TYK2: variants seen among roughly 807,000 people sequenced by gnomAD.
The protein encoded by TYK2 is tyrosine kinase 2, also known as non-receptor tyrosine-protein kinase TYK2.
In TYK2, 65 loss-of-function variants were observed where a neutral mutation model predicts 130.9. The ratio of observed to expected loss-of-function variants is 0.50; its 90% CI spans 0.41 to 0.61. TYK2 has a LOEUF of 0.61. TYK2 is among the 20% of genes least tolerant of loss of function. The probability of loss-of-function intolerance (pLI) is 0.00; values close to 1 mark genes in which losing one functional copy is unlikely to be tolerated. For missense variants in TYK2, 1,378 were observed against 1,610.7 expected, an observed-to-expected ratio of 0.86 and a Z score of 2.47; for synonymous variants, 647 against 658.9, an observed-to-expected ratio of 0.98 and a Z score of 0.28.
Position 10,365,636 on chromosome 19 carries a change from CCCCACTGTCCCGGATGTAGCAGGGCT to C in TYK2, c.866_891del (p.Glu289GlyfsTer9). 6.2e-7 allele frequency: 1 copy of C among 1,613,792 alleles called. No individual in the cohort carries two copies. The highest frequency in any genetic ancestry group is 1.3e-5 in the African/African-American group (1 of 75,060). On this transcript the variant is annotated frameshift_variant, in exon 7 of 25. Coordinates refer to ENST00000525621, the MANE Select transcript of TYK2 (RefSeq NM_003331.5). LOFTEE classifies it high-confidence loss of function. ...TCAGGGCCAGGGTCTGTAGGGGCCA[CCCCACTGTCCCGGATGTAGCAGGGCT>C]CCCCCTCGGCCTGGGCCAGCAGCCT...
At chr19:10,375,134 A>G (rs1311164922) in intron 3 of TYK2, among the ~76,000 whole-genome samples, 1 of 151,660 alleles carries the variant, frequency 6.6e-6, no homozygotes, top group East Asian at 1.9e-4. Context: ...GCACCACTGC[A>G]TTTCAGCCTG....
At chr19:10,378,838 T>TTATCCTATCC in intron 2 of TYK2, among the ~76,000 whole-genome samples, 1 of 16,778 alleles carries the variant, frequency 6.0e-5, no homozygotes, top group Non-Finnish European at 1.5e-4. Context: ...ATTTTATATC[T>TTATCCTATCC]TATCTTATCT....
intron 3 of TYK2, among the ~76,000 whole-genome samples, chr19:10,370,416 A>G (rs1315096855): frequency 6.6e-6 from 1 of 151,344 alleles, no homozygotes; most frequent in Non-Finnish European, 1.5e-5. Flanking sequence ...CCGGAGGTTG[A>G]CGCAGGACAA....
Position 10,361,870 on chromosome 19 carries a change from T to C in TYK2, c.1859A>G (p.Lys620Arg). ...VEGSGDPEEGKMDDEDPLVPG... is the reference protein window; with the variant it reads ...VEGSGDPEEGRMDDEDPLVPG... ...CACGAGGGGGTCCTCGTCATCCATCTTGCCCTCCTCAGGGTCCCCGCTGCC... is the reference window on the plus strand; with the variant it reads ...CACGAGGGGGTCCTCGTCATCCATCCTGCCCTCCTCAGGGTCCCCGCTGCC... The change falls in exon 13 of 25, where the codon AAG (lysine) becomes AGG (arginine). Residue 620 changes from lysine (K) to arginine (R), a missense_variant. Transcript: ENST00000525621. The surrounding 1 kb of genome is among the most constrained non-coding windows in gnomAD (Gnocchi z 4.0). 3.1e-6 allele frequency: 5 copies of C among 1,614,066 alleles called. No individual in the cohort carries two copies. The highest frequency in any genetic ancestry group is 2.2e-5 in the East Asian group (1 of 44,884).
chr19:10,375,682 C>T (rs776991370), intron 3 of TYK2, among the ~76,000 whole-genome samples: 8 of 146,638 alleles, frequency 5.5e-5, no homozygotes, highest in Non-Finnish European at 1.0e-4. Flanking sequence ...TTTGGAGGGC[C>T]GAGGCGGGCA....
rs191473709 is a variant in TYK2, at chr19:10,356,809, G to C, written c.2467-91C>G. ...CAGAGTCAAGTCCCCAGAGTGGACCGCCAGGTGCCCGCTCTTATCAGTTCC... is the reference window on the plus strand; with the variant it reads ...CAGAGTCAAGTCCCCAGAGTGGACCCCCAGGTGCCCGCTCTTATCAGTTCC... On this transcript the variant is annotated intron_variant, in intron 17 of 24. Transcript: ENST00000525621. 8 of 1,353,532 alleles carry C rather than the reference G, an allele frequency of 5.9e-6. No homozygotes were observed. In the African/African-American group the frequency reaches 1.2e-4, roughly 20 times the overall value. The allele number at this position is 1,353,532 out of a possible 1,614,324, so 83.8% of individuals were successfully genotyped here.
At chr19:10,362,717 G>T (rs1262774983) in intron 9 of TYK2, 60 bp from the exon 10 acceptor site, 3 of 1,423,696 alleles carry the variant, frequency 2.1e-6, no homozygotes, top group Non-Finnish European at 2.9e-6. Context: ...CCCATACCCG[G>T]GAACAATGAC....
At position 10,368,322 on chromosome 19, in the gene TYK2, G is replaced by A; in HGVS notation, c.290C>T (p.Ala97Val). The stretch of plus-strand genomic sequence containing the variant: ...TATGCGGAAATATAGCATCAGGCTT[G>A]CATCTCTGGGGATCTCTAGGATGTG... ...PNHILEIPRDASLMLYFRIRF... is the reference protein window; with the variant it reads ...PNHILEIPRDVSLMLYFRIRF... The change falls in exon 4 of 25, where the codon GCA becomes GTA. Residue 97 changes from alanine to valine, a missense_variant. By Grantham distance (64) the Ala-to-Val change is moderately conservative. Transcript: ENST00000525621. The A allele has an allele frequency of 1.2e-6, 2 of 1,614,204 alleles. No homozygotes were observed. The highest frequency in any genetic ancestry group is 1.7e-5 in the Admixed American group (1 of 60,008).
chr19:10,375,634 G>A (rs1156622866), intron 3 of TYK2, among the ~76,000 whole-genome samples: 1 of 146,308 alleles, frequency 6.8e-6, no homozygotes, highest in African/African-American at 2.5e-5. Flanking sequence ...AAAGAAAATT[G>A]GGCCGGGCAT....
At chr19:10,363,747 T>A (rs1316710416) in intron 9 of TYK2, among the ~76,000 whole-genome samples, 1 of 152,172 alleles carries the variant, frequency 6.6e-6, no homozygotes, top group East Asian at 1.9e-4. Flanking sequence ...AGTGTCATGG[T>A]CACATAGGTC....
rs200050053 is a variant in TYK2, at chr19:10,351,162, T to C, written c.3319A>G (p.Lys1107Glu). Residue 1107 changes from lysine to glutamate, a missense_variant and splice_region_variant, in exon 24 of 25, where the codon AAA (lysine) becomes GAA (glutamate). Transcript: ENST00000525621. The stretch of plus-strand genomic sequence containing the variant: ...GCAATGCCTATGAGCTCAAGGAATT[T>C]CTACAGTATAAACAAGACAAGCTCT... ...HCDSSQSPPT[K>E]FLELIGIAQG... The C allele has an allele frequency of 1.2e-6, 2 of 1,611,946 alleles. No individual in the cohort carries two copies. Among genetic ancestry groups the C allele is most frequent in the East Asian group, 2.2e-5 (1 of 44,844 alleles).
chr19:10,357,500 C>G, intron 17 of TYK2: 2 of 706,884 alleles, frequency 2.8e-6, no homozygotes, highest in South Asian at 3.0e-5. Context: ...CTGGGCGTCT[C>G]CCATCGCTGC....
chr19:10,367,507 C>A (rs2041716187), intron 5 of TYK2, among the ~76,000 whole-genome samples: 1 of 151,978 alleles, frequency 6.6e-6, no homozygotes, highest in Non-Finnish European at 1.5e-5. Context: ...CTTCTGTAAT[C>A]TCAGTTACTT....
chr19:10,372,485 T>TATATATATATATATATATATATA (rs59201811), intron 3 of TYK2, among the ~76,000 whole-genome samples: 7 of 39,464 alleles, frequency 1.8e-4, no homozygotes, highest in Non-Finnish European at 2.2e-4. Context: ...TATATATATA[T>TATATATATATATATATATATATA]TTTTTTTTTT....
rs1238960077 is a variant in TYK2, at chr19:10,365,044, G to C, written c.1016C>G (p.Ser339Cys). 6.2e-7 allele frequency: 1 copy of C among 1,605,564 alleles called. No homozygotes were observed. The highest frequency in any genetic ancestry group is 8.5e-7 in the Non-Finnish European group (1 of 1,174,726). ...VEEEVNKEEG[S>C]SGSSGRNPQA... ...GGGGTTCCTGCCACTGCTGCCACTAGAACCCTGAACACCCAGCAAGTGGGG... is the reference window on the plus strand; with the variant it reads ...GGGGTTCCTGCCACTGCTGCCACTACAACCCTGAACACCCAGCAAGTGGGG... Residue 339 changes from serine (S) to cysteine (C), a missense_variant, in exon 8 of 25, where the codon TCT becomes TGT. Transcript: ENST00000525621.
chr19:10,377,105 A>G (rs947131214), intron 3 of TYK2, among the ~76,000 whole-genome samples: 1 of 151,972 alleles, frequency 6.6e-6, no homozygotes, highest in Non-Finnish European at 1.5e-5. Flanking sequence ...AGGTCTCCCT[A>G]TGTTGCCCAG....
At chr19:10,355,992 T>C (rs1485985863) in intron 18 of TYK2, among the ~76,000 whole-genome samples, 1 of 151,798 alleles carries the variant, frequency 6.6e-6, no homozygotes, top group African/African-American at 2.4e-5. Context: ...ATTAATTTTT[T>C]AAAGAGAACA....
At chr19:10,377,632 GTGGA>G (rs2042195233) in intron 3 of TYK2, among the ~76,000 whole-genome samples, 1 of 7,578 alleles carries the variant, frequency 1.3e-4, no homozygotes. Flanking sequence ...GGATGGGTGG[GTGGA>G]TGGATGGGTG....
At chr19:10,358,206 C>T (rs775756763) in intron 15 of TYK2, 68 bp from the exon 16 acceptor site, 57 of 1,491,982 alleles carry the variant, frequency 3.8e-5, no homozygotes, top group Middle Eastern at 4.5e-4. Context: ...AAACCTGGTC[C>T]CCATAGGGAC....
Sources: allele counts gnomAD v4.1 joint callset (sites outside exome capture counted in the v4.1 genomes callset), GRCh38; gene constraint gnomAD v4.1.1; non-coding constraint Gnocchi (gnomAD v3.1); transcripts MANE v1.5; gene names NCBI Gene and HGNC (gene_info 2026-07-23, HGNC 2026-07-21).